Variants in TAC4 observed in about 807,000 individuals in gnomAD.
TAC4 encodes the protein tachykinin-4.
A neutral mutation model predicts 17.7 loss-of-function variants in TAC4; 17 were observed. The ratio of observed to expected loss-of-function variants is 0.96; its 90% CI spans 0.66 to 1.44. The LOEUF is 1.44. Ranked by LOEUF, TAC4 falls within the 40% of genes most tolerant of loss-of-function variation. The pLI is 0.00. For missense variants in TAC4, 118 were observed against 125.6 expected, an observed-to-expected ratio of 0.94 and a Z score of 0.29; for synonymous variants, 62 against 52.4, an observed-to-expected ratio of 1.18 and a Z score of -0.79.
intron 3 of TAC4, 65 bp from the exon 4 acceptor site, chr17:49,839,974 G>A: frequency 3.2e-6 from 5 of 1,548,146 alleles, no homozygotes; most frequent in Admixed American, 3.4e-5. Context: ...TTGGGAACCA[G>A]GGAAGGACAA....
At chr17:49,846,101 TGGG>T in intron 1 of TAC4, 3 of 733,402 alleles carry the variant, frequency 4.1e-6, no homozygotes, top group South Asian at 1.7e-5. Context: ...CTGTGCCTGG[TGGG>T]GGGGCATTCG....
intron 4 of TAC4, among the ~76,000 whole-genome samples, 154 bp downstream of exon 4, chr17:49,839,696 C>T (rs1359619494): frequency 6.6e-6 from 1 of 152,158 alleles, no homozygotes; most frequent in East Asian, 1.9e-4. Context: ...GGGACCACCT[C>T]CTTGCACTCG....
rs1405690692 is a variant in TAC4, at chr17:49,847,144, C to T, written c.105+769G>A. On this transcript the variant is annotated intron_variant, in intron 1 of 4. Coordinates refer to ENST00000436235, the MANE Select transcript of TAC4 (RefSeq NM_001077506.2). ...CCCAGGACCGCAAGCCAAGGCCACC[C>T]CAGTGTCCTTACCATCCTGGGAATG... 7 of 1,289,992 alleles carry T rather than the reference C, an allele frequency of 5.4e-6. No individual in the cohort carries two copies. The South Asian group carries it at 7.4e-5, about 14-fold the overall frequency. 79.9% of individuals were successfully genotyped at this position (1,289,992 alleles called of 1,614,324 possible).
At chr17:49,842,200 A>G (rs2074503694) in intron 2 of TAC4, among the ~76,000 whole-genome samples, 2 of 151,588 alleles carry the variant, frequency 1.3e-5, no homozygotes, top group Admixed American at 1.3e-4. Flanking sequence ...TGACATTCCC[A>G]TCCCCCATCC....
Position 49,844,122 on chromosome 17 carries a change from C to CTGCA in TAC4, c.137_140dup (p.Gln47HisfsTer57). 5 of 1,614,038 alleles carry CTGCA rather than the reference C, an allele frequency of 3.1e-6. No individual in the cohort carries two copies. Among genetic ancestry groups the CTGCA allele is most frequent in the Non-Finnish European group, 4.2e-6 (5 of 1,179,852 alleles). On this transcript the variant is annotated frameshift_variant, in exon 2 of 5. Coordinates refer to ENST00000436235, the MANE Select transcript of TAC4 (RefSeq NM_001077506.2). LOFTEE classifies it high-confidence loss of function. ...GGCTTGCCTTGCCCGTCTTCACCTC[C>CTGCA]TGCAGCTGGAGCTGAATGCTGGGGC...
intron 1 of TAC4, among the ~76,000 whole-genome samples, chr17:49,844,584 C>G (rs187298764): frequency 1.3e-5 from 2 of 152,094 alleles, no homozygotes; most frequent in East Asian, 3.9e-4. Context: ...ATGGTGAAAC[C>G]CCGTCTCTAA....
rs969458206 is a variant in TAC4, at chr17:49,839,921, A to G, written c.233-12T>C. ...TTCCAGCTGATATGCTGGTGGTGGGAGAGAGAAGTGGTAGAGGAGAGAGGC... is the reference window on the plus strand; with the variant it reads ...TTCCAGCTGATATGCTGGTGGTGGGGGAGAGAAGTGGTAGAGGAGAGAGGC... On this transcript the variant is annotated splice_polypyrimidine_tract_variant and intron_variant, in intron 3 of 4. Coordinates refer to ENST00000436235, the MANE Select transcript of TAC4 (RefSeq NM_001077506.2). 1.9e-6 allele frequency: 3 copies of G among 1,610,772 alleles called. No homozygotes were observed. The highest frequency in any genetic ancestry group is 2.7e-5 in the African/African-American group (2 of 74,862).
At chr17:49,846,864 C>G in intron 1 of TAC4, 9 of 1,001,392 alleles carry the variant, frequency 9.0e-6, no homozygotes, top group Admixed American at 3.1e-5. Flanking sequence ...ATGTTTGGCA[C>G]TGACTATAAA....
At chr17:49,838,802 T>C (rs894572115) in intron 4 of TAC4, 129 bp from the exon 5 acceptor site, 4 of 851,540 alleles carry the variant, frequency 4.7e-6, no homozygotes, top group Non-Finnish European at 5.5e-6. Flanking sequence ...TCTGGAGATA[T>C]CTAGGGCAAT....
chr17:49,842,044 C>T (rs1319829336), intron 2 of TAC4, among the ~76,000 whole-genome samples: 1 of 150,916 alleles, frequency 6.6e-6, no homozygotes, highest in East Asian at 2.0e-4. Context: ...GCCAGGACTA[C>T]AGGCGCCCGC....
chr17:49,847,274 C>T (rs1238473680), intron 1 of TAC4: 1 of 1,283,482 alleles, frequency 7.8e-7, no homozygotes, highest in Non-Finnish European at 1.0e-6. Flanking sequence ...GGTATCTGTC[C>T]CTTGTCTGAT....
intron 3 of TAC4, among the ~76,000 whole-genome samples, chr17:49,840,736 C>A (rs2074491072): frequency 6.6e-6 from 1 of 152,120 alleles, no homozygotes; most frequent in Non-Finnish European, 1.5e-5. Flanking sequence ...CTCCTGACCT[C>A]AGGTGATCCA....
chr17:49,843,459 A>T (rs1051862063), intron 2 of TAC4, among the ~76,000 whole-genome samples: 2 of 152,250 alleles, frequency 1.3e-5, no homozygotes, highest in African/African-American at 4.8e-5. Flanking sequence ...CATCCAGAGC[A>T]TGGAAGGCAC....
rs116542653 is a variant in TAC4, at chr17:49,846,100, G to A, written c.105+1813C>T. The A allele has an allele frequency of 3.6e-3, 2,635 of 731,584 alleles. 49 individuals are homozygous for A. In the African/African-American group the frequency reaches 0.046, roughly 13 times the overall value. The allele number at this position is 731,584 out of a possible 1,614,324, so 45.3% of individuals were successfully genotyped here. A position where few individuals can be genotyped will look rare whatever the true frequency, so the allele number is the denominator to read the frequency against. On this transcript the variant is annotated intron_variant, in intron 1 of 4. Coordinates refer to ENST00000436235, the MANE Select transcript of TAC4 (RefSeq NM_001077506.2). ...CTCCCCCACTGGGTTTCTGTGCCTG[G>A]TGGGGGGGCATTCGGAGACATTGGT... is the stretch of plus-strand genomic sequence containing the variant.
intron 4 of TAC4, 40 bp downstream of exon 4, chr17:49,839,810 T>C (rs1339753431): frequency 6.3e-7 from 1 of 1,591,798 alleles, no homozygotes. Flanking sequence ...CTGGCCATTT[T>C]CCCATGATGC....
chr17:49,845,731 C>T (rs2074533318), intron 1 of TAC4, among the ~76,000 whole-genome samples: 1 of 152,170 alleles, frequency 6.6e-6, no homozygotes, highest in South Asian at 2.1e-4. Flanking sequence ...AGCGCTGGAG[C>T]TCCTGGGACC....
chr17:49,843,629 T>G (rs2074514543), intron 2 of TAC4, among the ~76,000 whole-genome samples: 1 of 152,252 alleles, frequency 6.6e-6, no homozygotes, highest in Non-Finnish European at 1.5e-5. Context: ...AGTCTCGCTT[T>G]GTCGCCCAGG....
chr17:49,847,725 AC>A, intron 1 of TAC4, 187 bp downstream of exon 1: 1 of 725,274 alleles, frequency 1.4e-6, no homozygotes, highest in South Asian at 1.7e-5. Flanking sequence ...ACACACACAC[AC>A]TTCGGAGGTC....
chr17:49,840,200 G>A (rs545583733), intron 3 of TAC4, among the ~76,000 whole-genome samples: 16 of 152,316 alleles, frequency 1.1e-4, no homozygotes, highest in Admixed American at 2.6e-4. Context: ...CTGGGAACTG[G>A]AGATACAGAG....
Sources: allele counts gnomAD v4.1 joint callset (sites outside exome capture counted in the v4.1 genomes callset), GRCh38; gene constraint gnomAD v4.1.1; transcripts MANE v1.5; gene names NCBI Gene and HGNC (gene_info 2026-07-23, HGNC 2026-07-21).